Variants in CCDC171 observed in about 807,000 individuals in gnomAD.
The protein encoded by CCDC171 is coiled-coil domain containing 171.
In CCDC171, 177 loss-of-function variants were observed where a neutral mutation model predicts 168.2. That is an observed-to-expected ratio of 1.05 (90% confidence interval 0.93 to 1.19). The LOEUF is 1.19. CCDC171 is among the 50% of genes most tolerant of loss of function. The pLI is 0.00. For synonymous variants in CCDC171, 687 were observed against 540.8 expected, an observed-to-expected ratio of 1.27 and a Z score of -3.75; for missense variants, 1,991 against 1,539.0, an observed-to-expected ratio of 1.29 and a Z score of -4.91.
chr9:15,633,114 A>G (rs1478777663), intron 7 of CCDC171, among the ~76,000 whole-genome samples: 1 of 152,230 alleles, frequency 6.6e-6, no homozygotes, highest in South Asian at 2.1e-4. Flanking sequence ...AGGCATGGGC[A>G]AGGACTTCAT....
chr9:15,563,047 A>G (rs966297750), intron 1 of CCDC171, among the ~76,000 whole-genome samples: 1 of 151,818 alleles, frequency 6.6e-6, no homozygotes, highest in East Asian at 1.9e-4. Context: ...ATGTGTCATC[A>G]GTGGCCTGTT....
At chr9:15,797,092 T>C (rs2058594114) in intron 21 of CCDC171, among the ~76,000 whole-genome samples, 1 of 152,220 alleles carries the variant, frequency 6.6e-6, no homozygotes, top group Non-Finnish European at 1.5e-5. Context: ...TGGGTGTATA[T>C]GGTATGTTTT....
At chr9:15,665,785 A>G (rs1222708028) in intron 8 of CCDC171, among the ~76,000 whole-genome samples, 2 of 152,212 alleles carry the variant, frequency 1.3e-5, no homozygotes, top group East Asian at 3.8e-4. Context: ...TGTCTCTTAA[A>G]AAACCCAAAC....
In CCDC171 at chr9:15,698,469, T is replaced by C. The variant is rs547265100; in HGVS notation, c.1318+3132T>C. ...CTGGGAGGCGGAGCTTGCAGTGAGC[T>C]GAGATCGTGCCACTGCACTCCAGCC... On this transcript the variant is annotated intron_variant, in intron 11 of 25. Transcript: ENST00000380701. Among the ~76,000 whole-genome samples, 570 of 145,294 alleles carry C rather than the reference T, an allele frequency of 3.9e-3. 2 individuals are homozygous for C. Among genetic ancestry groups the C allele is most frequent in the Non-Finnish European group, 5.4e-3 (363 of 67,194 alleles).
At chr9:15,755,482 A>C (rs2056049106) in intron 18 of CCDC171, among the ~76,000 whole-genome samples, 1 of 152,200 alleles carries the variant, frequency 6.6e-6, no homozygotes, top group South Asian at 2.1e-4. Flanking sequence ...AAACCAATTC[A>C]AGTGTTTGTG....
chr9:15,649,222 C>T (rs2047301696), intron 7 of CCDC171, among the ~76,000 whole-genome samples: 2 of 152,174 alleles, frequency 1.3e-5, no homozygotes, highest in African/African-American at 2.4e-5. Context: ...TGGATTCCTT[C>T]CTTACACCTT....
chr9:16,079,613 C>G, the CCDC171 span, among the ~76,000 whole-genome samples: 6 of 152,178 alleles, frequency 3.9e-5, no homozygotes, highest in African/African-American at 1.2e-4. Flanking sequence ...GGCCTGGAGC[C>G]GATTCTTTCT....
At chr9:15,759,498 A>G (rs2056329307) in intron 18 of CCDC171, among the ~76,000 whole-genome samples, 1 of 152,198 alleles carries the variant, frequency 6.6e-6, no homozygotes, top group African/African-American at 2.4e-5. Context: ...TATGTTCTTT[A>G]TATAGCAGAA....
chr9:15,802,646 C>G (rs138286918), intron 21 of CCDC171, among the ~76,000 whole-genome samples: 119 of 152,260 alleles, frequency 7.8e-4, no homozygotes, highest in African/African-American at 2.7e-3. Context: ...TTTTCTTTAT[C>G]CAGTCTATCA....
chr9:16,030,361 T>C (rs72710745), intron 6 of CCDC171, among the ~76,000 whole-genome samples: 15,030 of 152,256 alleles, frequency 0.099, 1,029 homozygotes, highest in Non-Finnish European at 0.15. Context: ...AATAGATAAA[T>C]GTACAGATTC....
rs1283692486 is a variant in CCDC171, at chr9:15,879,242, AT to A, written c.3600+4582del. Among the ~76,000 whole-genome samples, 17 of 152,250 alleles carry A rather than the reference AT, an allele frequency of 1.1e-4. No homozygotes were observed. In the South Asian group the frequency reaches 2.3e-3, roughly 20 times the overall value. On this transcript the variant is annotated intron_variant, in intron 24 of 25. Transcript: ENST00000380701. ...AAACTCACATGCACATATTATTTAT[AT>A]TTAATACACCTATATATATTTAAAC...
chr9:15,759,735 T>G (rs1394479686), intron 18 of CCDC171, among the ~76,000 whole-genome samples: 1 of 152,214 alleles, frequency 6.6e-6, no homozygotes, highest in Non-Finnish European at 1.5e-5. Context: ...TGTACTTTGC[T>G]TATGATACAG....
chr9:15,911,670 A>G (rs1823660016), intron 24 of CCDC171, among the ~76,000 whole-genome samples: 1 of 152,062 alleles, frequency 6.6e-6, no homozygotes. Flanking sequence ...TTGGATTTTT[A>G]TGGTTTTAGG....
intron 24 of CCDC171, among the ~76,000 whole-genome samples, chr9:15,884,971 A>G (rs1030789619): frequency 5.9e-5 from 9 of 152,200 alleles, no homozygotes; most frequent in African/African-American, 2.2e-4. Context: ...AATATGTTCA[A>G]CAACTTTAGT....
At chr9:15,560,152 C>T (rs2039164234) in intron 1 of CCDC171, among the ~76,000 whole-genome samples, 1 of 151,982 alleles carries the variant, frequency 6.6e-6, no homozygotes, top group Admixed American at 6.6e-5. Context: ...TTTCTGGCTG[C>T]CCTTAATATT....
chr9:15,728,458 T>C (rs1188073517), intron 15 of CCDC171, among the ~76,000 whole-genome samples: 2 of 152,216 alleles, frequency 1.3e-5, no homozygotes, highest in African/African-American at 4.8e-5. Flanking sequence ...TTAGGAAATA[T>C]AAGGTGTTAT....
chr9:15,877,930 A>T (rs1313823467), intron 24 of CCDC171, among the ~76,000 whole-genome samples: 1 of 152,124 alleles, frequency 6.6e-6, no homozygotes, highest in Non-Finnish European at 1.5e-5. Flanking sequence ...AATAAATAAT[A>T]ATTAAACAGT....
intron 3 of CCDC171, among the ~76,000 whole-genome samples, chr9:15,578,121 T>C (rs2040818076): frequency 6.6e-6 from 1 of 152,174 alleles, no homozygotes; most frequent in South Asian, 2.1e-4. Context: ...ATGCAATTTG[T>C]TTATTGGTTC....
At chr9:15,633,889 T>A (rs558732132) in intron 7 of CCDC171, among the ~76,000 whole-genome samples, 1 of 152,016 alleles carries the variant, frequency 6.6e-6, no homozygotes, top group Admixed American at 6.6e-5. Flanking sequence ...ATGGATGAAA[T>A]TGGAAATCAT....
Sources: gnomAD v4.1 joint callset for allele counts (sites outside exome capture counted in the v4.1 genomes callset) on GRCh38, gnomAD v4.1.1 for gene constraint, MANE v1.5 for transcripts, NCBI Gene and HGNC (gene_info 2026-07-23, HGNC 2026-07-21) for gene names.